Variants in TMEM117 observed in about 807,000 individuals in gnomAD.
TMEM117 encodes the protein transmembrane protein 117.
In TMEM117, 27 loss-of-function variants were observed where a neutral mutation model predicts 52.4. That is an observed-to-expected ratio of 0.51 (90% CI 0.38 to 0.71). TMEM117 has a LOEUF of 0.71. TMEM117 is among the 30% of genes least tolerant of loss of function. The pLI, the probability that TMEM117 is intolerant of heterozygous loss-of-function variation, is 0.00. For missense variants in TMEM117, 556 were observed against 630.5 expected, an observed-to-expected ratio of 0.88 and a Z score of 1.26; for synonymous variants, 215 against 206.3, an observed-to-expected ratio of 1.04 and a Z score of -0.36.
intron 3 of TMEM117, among the ~76,000 whole-genome samples, chr12:44,033,006 G>T (rs1046381711): frequency 1.3e-5 from 2 of 152,142 alleles, no homozygotes; most frequent in East Asian, 1.9e-4. Flanking sequence ...AATGGTTATG[G>T]CATTCTAAGT....
intron 3 of TMEM117, among the ~76,000 whole-genome samples, chr12:44,036,624 T>G (rs1165338364): frequency 6.6e-6 from 1 of 152,218 alleles, no homozygotes. Context: ...AAAAAATCTT[T>G]TTTTGTTCTT....
intron 4 of TMEM117, among the ~76,000 whole-genome samples, chr12:44,154,651 A>G (rs1275647019): frequency 6.6e-6 from 1 of 151,944 alleles, no homozygotes; most frequent in African/African-American, 2.4e-5. Flanking sequence ...GAATCAAGGA[A>G]GAATTTTGGC....
At chr12:44,136,296 T>C (rs1226050307) in intron 3 of TMEM117, among the ~76,000 whole-genome samples, 1 of 152,158 alleles carries the variant, frequency 6.6e-6, no homozygotes, top group Non-Finnish European at 1.5e-5. Flanking sequence ...TTTGTTGTAT[T>C]TGTTTACTTC....
chr12:43,948,622 T>C (rs1239493768), intron 3 of TMEM117, among the ~76,000 whole-genome samples: 1 of 152,180 alleles, frequency 6.6e-6, no homozygotes, highest in East Asian at 1.9e-4. Context: ...CATCATTTTA[T>C]AAATGTTGAG....
At chr12:44,263,236 A>G (rs192771403) in intron 5 of TMEM117, among the ~76,000 whole-genome samples, 2 of 152,208 alleles carry the variant, frequency 1.3e-5, no homozygotes, top group Admixed American at 1.3e-4. Flanking sequence ...ATGTGGTCAA[A>G]AAACATATGA....
intron 5 of TMEM117, among the ~76,000 whole-genome samples, chr12:44,290,344 A>G (rs953633765): frequency 6.6e-6 from 1 of 152,126 alleles, no homozygotes; most frequent in Non-Finnish European, 1.5e-5. Context: ...TAAGAGTTTT[A>G]TGATTTCAGG....
At chr12:43,810,702 T>C in the TMEM117 span, among the ~76,000 whole-genome samples, 1 of 152,184 alleles carries the variant, frequency 6.6e-6, no homozygotes, top group Admixed American at 6.5e-5. Flanking sequence ...ATGGGAGAGT[T>C]AAAGCTCCTT....
chr12:44,256,410 A>G (rs1289528403), intron 5 of TMEM117, among the ~76,000 whole-genome samples: 1 of 152,060 alleles, frequency 6.6e-6, no homozygotes, highest in Non-Finnish European at 1.5e-5. Context: ...AGGAAGAAAT[A>G]TGCAATCACA....
intron 5 of TMEM117, among the ~76,000 whole-genome samples, chr12:44,246,660 A>G (rs1270573899): frequency 1.3e-5 from 2 of 152,160 alleles, no homozygotes; most frequent in Admixed American, 1.3e-4. Flanking sequence ...CAGGTCAGTC[A>G]GTGGAAAGGC....
Position 44,352,219 on chromosome 12 carries a change from A to T in TMEM117, c.769-24376A>T, listed in dbSNP as rs550753995. ...TATCAAAACATCTCATGTACCCCAT[A>T]AATATATACACCTACTATGTACCCA... On this transcript the variant is annotated intron_variant, in intron 6 of 7. Coordinates refer to ENST00000266534, the MANE Select transcript of TMEM117 (RefSeq NM_032256.3). 1.2e-4 allele frequency among the ~76,000 whole-genome samples: 19 copies of T among 152,170 alleles called. 1 individual carries two copies. In the South Asian group the frequency reaches 3.9e-3, roughly 32 times the overall value.
chr12:44,214,536 G>A (rs986247760), intron 5 of TMEM117, among the ~76,000 whole-genome samples: 1 of 152,026 alleles, frequency 6.6e-6, no homozygotes, highest in Non-Finnish European at 1.5e-5. Flanking sequence ...TAGTTTAAAT[G>A]TTGTAAAAAT....
intron 5 of TMEM117, among the ~76,000 whole-genome samples, chr12:44,213,979 G>C (rs997563078): frequency 1.3e-5 from 2 of 151,886 alleles, no homozygotes; most frequent in Non-Finnish European, 2.9e-5. Context: ...TATTTGCAAG[G>C]GTAAGCCATG....
At chr12:43,907,135 G>A (rs370654688) in intron 2 of TMEM117, among the ~76,000 whole-genome samples, 59 of 152,288 alleles carry the variant, frequency 3.9e-4, no homozygotes, top group African/African-American at 1.3e-3. Context: ...CTCCCAGCAC[G>A]CAGCTGGAGA....
intron 2 of TMEM117, among the ~76,000 whole-genome samples, chr12:43,874,437 A>AT (rs1335142714): frequency 6.6e-6 from 1 of 151,544 alleles, no homozygotes; most frequent in South Asian, 2.1e-4. Flanking sequence ...AAAAAAAAAA[A>AT]AAATTTAGCC....
At chr12:44,330,708 C>G (rs1170070244) in intron 6 of TMEM117, among the ~76,000 whole-genome samples, 1 of 151,976 alleles carries the variant, frequency 6.6e-6, no homozygotes, top group East Asian at 1.9e-4. Flanking sequence ...AATCTTGTGA[C>G]AAATTAGAAG....
intron 2 of TMEM117, among the ~76,000 whole-genome samples, chr12:43,879,492 T>C (rs1039454872): frequency 6.6e-6 from 1 of 152,160 alleles, no homozygotes; most frequent in Non-Finnish European, 1.5e-5. Context: ...TATGCAAATA[T>C]ATTTTGCTAT....
At chr12:44,324,581 C>A (rs1951173001) in intron 6 of TMEM117, among the ~76,000 whole-genome samples, 1 of 151,906 alleles carries the variant, frequency 6.6e-6, no homozygotes, top group Admixed American at 6.6e-5. Context: ...AATTGAAAGA[C>A]TAAATAGTAA....
rs530346570 is a variant in TMEM117, at chr12:43,938,867, G to A, written c.278-5343G>A. 2.6e-4 allele frequency among the ~76,000 whole-genome samples: 39 copies of A among 152,124 alleles called. No individual in the cohort carries two copies. In the South Asian group the frequency reaches 7.9e-3, roughly 31 times the overall value. On this transcript the variant is annotated intron_variant, in intron 2 of 7. Transcript: ENST00000266534. ...ATACAAAAATTAGCCAGGCACGGTGGCGTGTGCCTGTAATCCCAGCTACTC... is the reference window on the plus strand; with the variant it reads ...ATACAAAAATTAGCCAGGCACGGTGACGTGTGCCTGTAATCCCAGCTACTC...
intron 6 of TMEM117, among the ~76,000 whole-genome samples, chr12:44,350,514 T>C (rs1951547624): frequency 1.3e-5 from 2 of 151,942 alleles, no homozygotes; most frequent in Non-Finnish European, 2.9e-5. Context: ...TTTTGTTGTA[T>C]CCATTATCCT....
Sources: allele counts gnomAD v4.1 joint callset (sites outside exome capture counted in the v4.1 genomes callset), GRCh38; gene constraint gnomAD v4.1.1; transcripts MANE v1.5; gene names NCBI Gene and HGNC (gene_info 2026-07-23, HGNC 2026-07-21).